The following PRELID2 variants were observed in gnomAD, a reference collection of about 807,000 sequenced individuals.
PRELID2 encodes the protein PRELI domain containing 2.
A neutral mutation model predicts 28.4 loss-of-function variants in PRELID2; 25 were observed. That is an observed-to-expected ratio of 0.88 (90% confidence interval 0.64 to 1.23). PRELID2 has a LOEUF of 1.23. Among genes scored for constraint, PRELID2 ranks in the 50% most tolerant of loss-of-function variants. The pLI, the probability that PRELID2 is intolerant of heterozygous loss-of-function variation, is 0.00. For missense variants in PRELID2, 201 were observed against 214.4 expected, an observed-to-expected ratio of 0.94 and a Z score of 0.39; for synonymous variants, 76 against 71.6, an observed-to-expected ratio of 1.06 and a Z score of -0.31.
the PRELID2 span, among the ~76,000 whole-genome samples, chr5:145,290,833 A>G: frequency 2.0e-5 from 3 of 151,226 alleles, no homozygotes; most frequent in Admixed American, 2.0e-4. Context: ...TTTTTTTTCA[A>G]ATCTGGGGCT....
chr5:145,636,345 T>C (rs761576757), intron 1 of PRELID2, among the ~76,000 whole-genome samples: 1 of 152,256 alleles, frequency 6.6e-6, no homozygotes, highest in African/African-American at 2.4e-5. Flanking sequence ...CATCTCGGTC[T>C]GTATAATATA....
downstream of PRELID2, among the ~76,000 whole-genome samples, chr5:145,469,869 C>T (rs943545449): frequency 6.6e-6 from 1 of 152,040 alleles, no homozygotes; most frequent in African/African-American, 2.4e-5. Flanking sequence ...TCACAATGTC[C>T]CATCAGTAAA....
chr5:145,527,249 C>T (rs1463700188), intron 1 of PRELID2, among the ~76,000 whole-genome samples: 1 of 152,134 alleles, frequency 6.6e-6, no homozygotes, highest in African/African-American at 2.4e-5. Context: ...AAACTAAATT[C>T]ACACATATAT....
chr5:145,601,454 A>C (rs769605334), intron 1 of PRELID2, among the ~76,000 whole-genome samples: 5 of 152,084 alleles, frequency 3.3e-5, no homozygotes, highest in Non-Finnish European at 7.3e-5. Flanking sequence ...GAACGAACAG[A>C]AAAAAATATT....
intron 1 of PRELID2, among the ~76,000 whole-genome samples, chr5:145,720,745 A>ACATAAAATGTCAAATGCTCC (rs1341916905): frequency 3.9e-5 from 6 of 152,128 alleles, no homozygotes; most frequent in South Asian, 4.1e-4. Flanking sequence ...TAGAAAAATA[A>ACATAAAATGTCAAATGCTCC]CATAAAATGT....
chr5:145,331,462 G>C, the PRELID2 span, among the ~76,000 whole-genome samples: 1 of 152,034 alleles, frequency 6.6e-6, no homozygotes, highest in Non-Finnish European at 1.5e-5. Context: ...TCCTGTATTG[G>C]GTGCATATAT....
At chr5:145,755,749 A>AAGTCT (rs1757239834), downstream of PRELID2, among the ~76,000 whole-genome samples, 1 of 151,640 alleles carries the variant, frequency 6.6e-6, no homozygotes. Context: ...ACACTGGACC[A>AAGTCT]AAAGAGAAAA....
chr5:145,296,195 T>G, the PRELID2 span, among the ~76,000 whole-genome samples: 1 of 151,752 alleles, frequency 6.6e-6, no homozygotes, highest in East Asian at 1.9e-4. Context: ...ATTTTTTTAT[T>G]TTATTATTAT....
intron 1 of PRELID2, among the ~76,000 whole-genome samples, chr5:145,742,800 A>C (rs1354564353): frequency 1.3e-5 from 2 of 151,766 alleles, no homozygotes; most frequent in African/African-American, 4.8e-5. Flanking sequence ...AAATTAAACT[A>C]AGAACTGCTT....
chr5:145,592,145 G>A lies in PRELID2; in HGVS notation n.71-118830C>T, dbSNP rs1288010700. The stretch of plus-strand genomic sequence containing the variant: ...AAAACTTGTTAAATCAGCCAGGCAC[G>A]GTGGCTCACGCCTGTAATCCCACCA... On this transcript the variant is annotated intron_variant and non_coding_transcript_variant, in intron 1 of 2. Coordinates refer to the PRELID2 transcript ENST00000510259. Among the ~76,000 whole-genome samples, 17 of 152,142 alleles carry A rather than the reference G, an allele frequency of 1.1e-4. 1 individual carries two copies. Among genetic ancestry groups the A allele is most frequent in the African/African-American group, 4.1e-4 (17 of 41,428 alleles).
chr5:145,420,253 T>C, the PRELID2 span, among the ~76,000 whole-genome samples: 3 of 152,176 alleles, frequency 2.0e-5, no homozygotes, highest in African/African-American at 7.2e-5. Flanking sequence ...AAGTAGTTTT[T>C]TCCAATTCTG....
At chr5:145,411,992 C>T in the PRELID2 span, among the ~76,000 whole-genome samples, 1 of 152,122 alleles carries the variant, frequency 6.6e-6, no homozygotes, top group Admixed American at 6.6e-5. Flanking sequence ...ATGCAGGGTA[C>T]CAAGTCCTGA....
chr5:145,324,597 C>T, the PRELID2 span, among the ~76,000 whole-genome samples: 1 of 152,084 alleles, frequency 6.6e-6, no homozygotes, highest in African/African-American at 2.4e-5. Context: ...GTACTATGTA[C>T]ACTAAAAGAA....
chr5:145,818,035 G>A lies in PRELID2; in HGVS notation c.227C>T (p.Pro76Leu), dbSNP rs753884647. Residue 76 changes from proline to leucine, a missense_variant, in exon 4 of 7, where the codon CCT becomes CTT. By Grantham distance (98) the Pro-to-Leu change is moderately conservative. Transcript: ENST00000683046. ...TGACTCCTCTTCTAATTGGATATTA[G>A]GTACTTTCAAAATGCTCACCTGTCC... ...ILRKVSILKV[P>L]NIQLEEESWL... 6.2e-7 allele frequency: 1 copy of A among 1,611,966 alleles called. No homozygotes were observed. The highest frequency in any genetic ancestry group is 8.5e-7 in the Non-Finnish European group (1 of 1,179,028).
At position 145,654,634 on chromosome 5, in the gene PRELID2, A is replaced by G. The variant is rs1471135986; in HGVS notation, n.70+110297T>C. Among the ~76,000 whole-genome samples, 4 of 152,308 alleles carry G rather than the reference A, an allele frequency of 2.6e-5. No individual in the cohort carries two copies. In the South Asian group the frequency reaches 8.3e-4, roughly 32 times the overall value. ...AATGTAATCCAGCATATAAGCAGAAACAAAGACAAAAACCACATGATTATC... is the reference window on the plus strand; with the variant it reads ...AATGTAATCCAGCATATAAGCAGAAGCAAAGACAAAAACCACATGATTATC... On this transcript the variant is annotated intron_variant and non_coding_transcript_variant, in intron 1 of 2. Transcript: ENST00000510259.
At chr5:145,442,871 A>C in the PRELID2 span, among the ~76,000 whole-genome samples, 30 of 152,166 alleles carry the variant, frequency 2.0e-4, no homozygotes, top group Admixed American at 7.2e-4. Flanking sequence ...GAAACAGGAC[A>C]TGAAGCTAGA....
At chr5:145,735,224 G>A (rs1756462333) in intron 1 of PRELID2, among the ~76,000 whole-genome samples, 5 of 144,590 alleles carry the variant, frequency 3.5e-5, no homozygotes, top group South Asian at 2.2e-4. Flanking sequence ...CAGCCCGGGC[G>A]ACAGTGTGAG....
chr5:145,698,712 C>CTGTTTGT (rs1247012776), intron 1 of PRELID2, among the ~76,000 whole-genome samples: 2 of 152,104 alleles, frequency 1.3e-5, no homozygotes, highest in African/African-American at 4.8e-5. Context: ...AAGGCCCCAC[C>CTGTTTGT]TGTTTGTTGT....
the PRELID2 span, among the ~76,000 whole-genome samples, chr5:145,354,429 G>A: frequency 6.6e-6 from 1 of 152,062 alleles, no homozygotes; most frequent in Non-Finnish European, 1.5e-5. Context: ...ATAGAAGATG[G>A]GAAAAGAAGA....
Sources: gnomAD v4.1 joint callset for allele counts (sites outside exome capture counted in the v4.1 genomes callset) on GRCh38, gnomAD v4.1.1 for gene constraint, MANE v1.5 for transcripts, NCBI Gene and HGNC (gene_info 2026-07-23, HGNC 2026-07-21) for gene names.